Variants in ZNF257 observed in about 807,000 individuals in gnomAD.
ZNF257 encodes bone marrow zinc finger 4.
A neutral mutation model predicts 11.9 loss-of-function variants in ZNF257; 12 were observed. The observed-to-expected ratio is 1.01, with a 90% confidence interval of 0.65 to 1.63. The LOEUF is 1.63. ZNF257 is among the 40% of genes most tolerant of loss of function. The probability of loss-of-function intolerance (pLI) is 0.00; values close to 1 mark genes in which losing one functional copy is unlikely to be tolerated. For missense variants in ZNF257, 580 were observed against 665.5 expected (o/e 0.87, Z 1.41); for synonymous variants, 183 against 222.7 (o/e 0.82, Z 1.59).
intron 1 of ZNF257, among the ~76,000 whole-genome samples, chr19:22,067,319 C>T (rs549274148): frequency 3.9e-5 from 6 of 152,176 alleles, no homozygotes; most frequent in East Asian, 1.9e-4. Context: ...GTAATATGTG[C>T]GCACTGAATA....
At chr19:22,073,593 G>GAT in intron 3 of ZNF257, 29 bp downstream of exon 3, 1 of 1,598,128 alleles carries the variant, frequency 6.3e-7, no homozygotes, top group Non-Finnish European at 8.5e-7. Context: ...CAGTACAACA[G>GAT]GTGAAACAGA....
At chr19:22,056,010 G>T (rs977086111) in intron 1 of ZNF257, among the ~76,000 whole-genome samples, 1 of 141,980 alleles carries the variant, frequency 7.0e-6, no homozygotes, top group Non-Finnish European at 1.5e-5. Context: ...AGCCGAGATC[G>T]CACCACTGCA....
chr19:22,065,943 A>G (rs1016131071), intron 1 of ZNF257: 1 of 152,206 alleles, frequency 6.6e-6, no homozygotes, highest in Non-Finnish European at 1.5e-5. Context: ...TGCTGAAAAT[A>G]TGCACACTTT....
chr19:22,061,779 T>G (rs2145689441), intron 1 of ZNF257, among the ~76,000 whole-genome samples: 1 of 152,300 alleles, frequency 6.6e-6, no homozygotes, highest in South Asian at 2.1e-4. Context: ...GGGTCTGTCA[T>G]AAATAATTCA....
intron 3 of ZNF257, among the ~76,000 whole-genome samples, chr19:22,077,056 A>G (rs1405894292): frequency 6.6e-6 from 1 of 152,112 alleles, no homozygotes; most frequent in African/African-American, 2.4e-5. Flanking sequence ...GCTCACATCT[A>G]TAATACCAGG....
intron 1 of ZNF257, among the ~76,000 whole-genome samples, chr19:22,072,008 C>T (rs1326189056): frequency 1.3e-5 from 2 of 152,160 alleles, no homozygotes; most frequent in African/African-American, 4.8e-5. Flanking sequence ...TTAAAAATTA[C>T]AGAACATGAG....
At chr19:22,083,818 T>C (rs972067921) in intron 3 of ZNF257, among the ~76,000 whole-genome samples, 7 of 152,012 alleles carry the variant, frequency 4.6e-5, no homozygotes, top group African/African-American at 1.7e-4. Flanking sequence ...ATCTGTGTAG[T>C]TGTTAGAATA....
chr19:22,055,709 T>C (rs1321661654), intron 1 of ZNF257, among the ~76,000 whole-genome samples: 1 of 152,086 alleles, frequency 6.6e-6, no homozygotes, highest in Non-Finnish European at 1.5e-5. Context: ...TTACTTGACA[T>C]ATGAGTCAGA....
At position 22,089,009 on chromosome 19, in the gene ZNF257, A is replaced by G. The variant is rs764392887; in HGVS notation, c.1259A>G (p.Gln420Arg). 78 of 1,612,658 alleles carry G rather than the reference A, an allele frequency of 4.8e-5. No individual in the cohort carries two copies. In the South Asian group the frequency reaches 7.9e-4, roughly 16 times the overall value. Residue 420 changes from glutamine (Q) to arginine (R), a missense_variant, in exon 4 of 4, where the codon CAG becomes CGG. Physicochemically the swap from Gln to Arg is conservative, Grantham distance 43. Coordinates refer to ENST00000594947, the MANE Select transcript of ZNF257 (RefSeq NM_033468.4). ...NWSSALTTLT[Q>R]HKIIHTGEKP... ...TCCTCAGCTCTTACTACCCTTACTC[A>G]GCATAAGATAATTCATACTGGAGAG...
intron 1 of ZNF257, among the ~76,000 whole-genome samples, chr19:22,064,904 A>C (rs949883754): frequency 9.9e-5 from 15 of 151,962 alleles, no homozygotes; most frequent in Non-Finnish European, 4.4e-5. Flanking sequence ...AAATACAAAA[A>C]TTAGACGGGT....
chr19:22,084,521 A>T lies in ZNF257; in HGVS notation c.227-3456A>T, dbSNP rs148665569. ...AGTTTGTTATTGCTATTTTTTCAAAAGTGCAATGAGAAATTTGAAAAACAT... is the reference window on the plus strand; with the variant it reads ...AGTTTGTTATTGCTATTTTTTCAAATGTGCAATGAGAAATTTGAAAAACAT... On this transcript the variant is annotated intron_variant, in intron 3 of 3. Coordinates refer to ENST00000594947, the MANE Select transcript of ZNF257 (RefSeq NM_033468.4). Among the ~76,000 whole-genome samples the T allele has an allele frequency of 1.5e-3, 235 of 152,156 alleles. 3 individuals carry two copies. Among genetic ancestry groups the T allele is most frequent in the African/African-American group, 5.2e-3 (215 of 41,498 alleles).
At chr19:22,056,191 C>T (rs973716098) in intron 1 of ZNF257, among the ~76,000 whole-genome samples, 18 of 152,046 alleles carry the variant, frequency 1.2e-4, no homozygotes, top group African/African-American at 4.3e-4. Context: ...CTGTCTCGTG[C>T]CTGTAATCTT....
intron 3 of ZNF257, among the ~76,000 whole-genome samples, chr19:22,082,121 T>A (rs891786615): frequency 2.0e-5 from 3 of 152,124 alleles, no homozygotes; most frequent in African/African-American, 4.8e-5. Context: ...TACCTCTACA[T>A]TTTTGTTATT....
At chr19:22,084,399 CTG>C (rs1012508554) in intron 3 of ZNF257, among the ~76,000 whole-genome samples, 1 of 149,754 alleles carries the variant, frequency 6.7e-6, no homozygotes, top group Non-Finnish European at 1.5e-5. Context: ...GCTTTGTAAT[CTG>C]TTTTGAAATA....
chr19:22,064,488 C>A (rs1356508157), intron 1 of ZNF257, among the ~76,000 whole-genome samples: 1 of 151,912 alleles, frequency 6.6e-6, no homozygotes, highest in African/African-American at 2.4e-5. Flanking sequence ...TTTAAAAACA[C>A]GCAAAAGTGG....
intron 3 of ZNF257, among the ~76,000 whole-genome samples, chr19:22,076,770 C>G (rs1335165689): frequency 6.6e-6 from 1 of 152,126 alleles, no homozygotes; most frequent in Non-Finnish European, 1.5e-5. Context: ...CTCACTGCAA[C>G]CTCCGCCTCC....
At chr19:22,071,945 T>A (rs937955514) in intron 1 of ZNF257, among the ~76,000 whole-genome samples, 34 of 152,016 alleles carry the variant, frequency 2.2e-4, no homozygotes, top group Middle Eastern at 3.2e-3. Context: ...TGAAAAAAAA[T>A]GAGGAAATAC....
intron 1 of ZNF257, among the ~76,000 whole-genome samples, chr19:22,068,761 C>T (rs1031124898): frequency 2.6e-5 from 4 of 152,116 alleles, no homozygotes; most frequent in African/African-American, 9.7e-5. Context: ...ACATTTTTGT[C>T]CTTCCTCTTA....
chr19:22,073,519 GA>G lies in ZNF257; in HGVS notation c.182del (p.Glu61GlyfsTer5). On this transcript the variant is annotated frameshift_variant, in exon 3 of 4. Coordinates refer to ENST00000594947, the MANE Select transcript of ZNF257 (RefSeq NM_033468.4). LOFTEE classifies it low-confidence loss of function (END_TRUNC). ...DLITCLEQGKEPCNMKRHEMV... is the reference protein window; with the variant it reads ...DLITCLEQGKXPCNMKRHEMV... ...GATCACCTGTCTGGAGCAAGGAAAA[GA>G]GCCCTGTAATATGAAGAGACATGAG... is the stretch of plus-strand genomic sequence containing the variant. 1 of 1,612,284 alleles carries G rather than the reference GA, an allele frequency of 6.2e-7. No individual in the cohort carries two copies. The highest frequency in any genetic ancestry group is 8.5e-7 in the Non-Finnish European group (1 of 1,179,236).
Sources: gnomAD v4.1 joint callset for allele counts (sites outside exome capture counted in the v4.1 genomes callset) on GRCh38, gnomAD v4.1.1 for gene constraint, MANE v1.5 for transcripts, NCBI Gene and HGNC (gene_info 2026-07-23, HGNC 2026-07-21) for gene names.